The following GALNT6 variants were observed in gnomAD, a reference collection of about 807,000 sequenced individuals.
The protein encoded by GALNT6 is polypeptide N-acetylgalactosaminyltransferase 6.
A neutral mutation model predicts 65.9 loss-of-function variants in GALNT6; 51 were observed. The observed-to-expected ratio is 0.77, with a 90% CI of 0.62 to 0.98. The LOEUF (loss-of-function observed/expected upper bound fraction) is 0.98. Among genes scored for constraint, GALNT6 ranks in the 50% least tolerant of loss-of-function variants. GALNT6 has a pLI of 0.00. For synonymous variants in GALNT6, 323 were observed against 315.1 expected (o/e 1.02, Z -0.26); for missense variants, 708 against 803.3 (o/e 0.88, Z 1.43).
rs898937824 is a variant in GALNT6, at chr12:51,365,471, C to G, written c.773G>C (p.Ser258Thr). ...CGTGAGCACCTCCGCCTGTGCCACGCTGGCCCCCAGCAGCCGGGCGGTGAT... is the reference window on the plus strand; with the variant it reads ...CGTGAGCACCTCCGCCTGTGCCACGGTGGCCCCCAGCAGCCGGGCGGTGAT... ...GLITARLLGA[S>T]VAQAEVLTFL... Residue 258 changes from serine to threonine, a missense_variant, in exon 5 of 12, where the codon AGC (serine) becomes ACC (threonine). By Grantham distance (58) the Ser-to-Thr change is moderately conservative. Transcript: ENST00000356317. The G allele has an allele frequency of 4.3e-6, 7 of 1,612,008 alleles. No homozygotes were observed. In the African/African-American group the frequency reaches 5.3e-5, roughly 12 times the overall value.
chr12:51,377,493 T>G, intron 3 of GALNT6, 126 bp from the exon 4 acceptor site: 1 of 748,430 alleles, frequency 1.3e-6, no homozygotes, highest in Non-Finnish European at 2.3e-6. Context: ...ACATTCTCTA[T>G]AGCAGGTGGG....
At chr12:51,354,519 G>A in intron 11 of GALNT6, 27 bp from the exon 12 acceptor site, 1 of 1,459,198 alleles carries the variant, frequency 6.9e-7, no homozygotes, top group Non-Finnish European at 9.5e-7. Context: ...CAAAAGGTCA[G>A]TCTGGGCCAC....
At chr12:51,376,805 T>C (rs1947471317) in intron 4 of GALNT6, among the ~76,000 whole-genome samples, 1 of 152,112 alleles carries the variant, frequency 6.6e-6, no homozygotes, top group Non-Finnish European at 1.5e-5. Context: ...CAACCCCACT[T>C]ACCTATCAAC....
chr12:51,380,655 G>T (rs531311160), intron 2 of GALNT6, among the ~76,000 whole-genome samples: 2 of 152,334 alleles, frequency 1.3e-5, no homozygotes, highest in Admixed American at 1.3e-4. Flanking sequence ...GCTGGGCGTG[G>T]TAGCGCATGC....
intron 3 of GALNT6, among the ~76,000 whole-genome samples, chr12:51,377,701 T>C (rs1947510125): frequency 6.6e-6 from 1 of 152,104 alleles, no homozygotes; most frequent in South Asian, 2.1e-4. Context: ...CTGGCTCTCT[T>C]CCTCCGTAAT....
chr12:51,351,883 T>C lies in GALNT6; in HGVS notation c.*2496A>G, dbSNP rs1034689821. The C allele has an allele frequency of 2.6e-5, 4 of 152,130 alleles. No homozygotes were observed. The highest frequency in any genetic ancestry group is 4.4e-5 in the Non-Finnish European group (3 of 68,030). The allele number at this position is 152,130 out of a possible 1,614,324, so 9.4% of individuals were successfully genotyped here. A position where few individuals can be genotyped will look rare whatever the true frequency, so the allele number is the denominator to read the frequency against. ...ACACAACGCGAGTTTCCTTGACCAA[T>C]GCCAGAAAACCTTTATTTCCACTGA... is the stretch of plus-strand genomic sequence containing the variant. On this transcript the variant is annotated 3_prime_UTR_variant, in exon 12 of 12. Coordinates refer to ENST00000356317, the MANE Select transcript of GALNT6 (RefSeq NM_007210.4).
rs140370586 is a variant in GALNT6, at chr12:51,384,556, G to A, written c.-103-4672C>T. Among the ~76,000 whole-genome samples, 179 of 152,170 alleles carry A rather than the reference G, an allele frequency of 1.2e-3. 1 individual carries two copies. The highest frequency in any genetic ancestry group is 4.1e-3 in the African/African-American group (170 of 41,500). ...AAAATACAAAAATTAGCCAGGCATG[G>A]TGGCATGTGCCTGTAATCCCAACTA... On this transcript the variant is annotated intron_variant, in intron 2 of 11. Transcript: ENST00000356317.
At chr12:51,362,437 G>C (rs1218096530) in intron 6 of GALNT6, among the ~76,000 whole-genome samples, 2 of 152,186 alleles carry the variant, frequency 1.3e-5, no homozygotes, top group Non-Finnish European at 2.9e-5. Flanking sequence ...TCCTGGGGTG[G>C]GGGCGCTACA....
At chr12:51,356,014 C>T (rs1209192640) in intron 10 of GALNT6, 56 bp from the exon 11 acceptor site, 7 of 1,561,134 alleles carry the variant, frequency 4.5e-6, no homozygotes, top group African/African-American at 2.7e-5. Flanking sequence ...CTTCCAAAGC[C>T]ACCTGCCCTG....
intron 2 of GALNT6, among the ~76,000 whole-genome samples, chr12:51,384,082 C>T (rs939482065): frequency 5.3e-5 from 8 of 152,154 alleles, no homozygotes; most frequent in Non-Finnish European, 8.8e-5. Flanking sequence ...CACTCATTTC[C>T]CTCTCGCTGT....
At chr12:51,390,161 T>TTC (rs1592370388) in intron 2 of GALNT6, among the ~76,000 whole-genome samples, 19 of 113,874 alleles carry the variant, frequency 1.7e-4, no homozygotes, top group Admixed American at 5.0e-4. Flanking sequence ...TCTTTCTTTT[T>TTC]TTTTTTTTTT....
chr12:51,378,822 C>T (rs1947548569), intron 3 of GALNT6, among the ~76,000 whole-genome samples: 1 of 151,904 alleles, frequency 6.6e-6, no homozygotes, highest in Non-Finnish European at 1.5e-5. Context: ...TGGGCCTTCA[C>T]TGGAGGAAAC....
rs773790866 is a variant in GALNT6, at chr12:51,364,196, C to G, written c.974G>C (p.Trp325Ser). Reference protein sequence around the residue: ...GRVHSRGNFDWSLTFGWETLP... With the variant: ...GRVHSRGNFDSSLTFGWETLP... ...TGTTTCCCAGCCGAAGGTCAGGCTC[C>G]AGTCAAAGTTGCCTCGGCTATGGAC... is the stretch of plus-strand genomic sequence containing the variant. Residue 325 changes from tryptophan to serine, a missense_variant, in exon 6 of 12, where the codon TGG becomes TCG. Trp to Ser is a radical substitution (Grantham distance 177). Transcript: ENST00000356317. 1.2e-5 allele frequency: 20 copies of G among 1,614,074 alleles called. No individual in the cohort carries two copies. Among genetic ancestry groups the G allele is most frequent in the Non-Finnish European group, 1.4e-5 (17 of 1,180,026 alleles).
At chr12:51,377,402 G>T in intron 3 of GALNT6, 35 bp from the exon 4 acceptor site, 1 of 1,597,250 alleles carries the variant, frequency 6.3e-7, no homozygotes, top group Non-Finnish European at 8.6e-7. Flanking sequence ...AGTTCTCCTG[G>T]TCCCTGGGAG....
intron 4 of GALNT6, among the ~76,000 whole-genome samples, chr12:51,375,871 G>A (rs1351166327): frequency 6.7e-6 from 1 of 150,272 alleles, no homozygotes; most frequent in African/African-American, 2.4e-5. Context: ...TTTTTGTTTT[G>A]TTTTTTTGAG....
At position 51,379,816 on chromosome 12, in the gene GALNT6, C is replaced by A; in HGVS notation, c.-35G>T. Reference sequence around the variant, plus strand: ...CCAAGGGGCACCCCAGCTGCGTCAGCTCTGAGTCCTGAGCCCAACCCTGGA... The same window carrying A: ...CCAAGGGGCACCCCAGCTGCGTCAGATCTGAGTCCTGAGCCCAACCCTGGA... On this transcript the variant is annotated 5_prime_UTR_variant, in exon 3 of 12. Transcript: ENST00000356317. The A allele has an allele frequency of 6.4e-7, 1 of 1,568,414 alleles. No homozygotes were observed. Among genetic ancestry groups the A allele is most frequent in the Non-Finnish European group, 8.6e-7 (1 of 1,162,172 alleles).
chr12:51,375,165 T>G (rs910853485), intron 4 of GALNT6, among the ~76,000 whole-genome samples: 1 of 152,012 alleles, frequency 6.6e-6, no homozygotes, highest in African/African-American at 2.4e-5. Context: ...GGTGAGCCAC[T>G]GTCCCTGGCC....
At chr12:51,389,993 C>T (rs1197800157) in intron 2 of GALNT6, among the ~76,000 whole-genome samples, 3 of 152,134 alleles carry the variant, frequency 2.0e-5, no homozygotes, top group Admixed American at 6.5e-5. Flanking sequence ...GGGTCTTGTC[C>T]TGTTCTCTGC....
chr12:51,383,585 G>C (rs1947737610), intron 2 of GALNT6: 1 of 152,104 alleles, frequency 6.6e-6, no homozygotes, highest in Non-Finnish European at 1.5e-5. Context: ...TATTTTCCCT[G>C]GAGAAAGAAA....
Sources: allele counts gnomAD v4.1 joint callset (sites outside exome capture counted in the v4.1 genomes callset), GRCh38; gene constraint gnomAD v4.1.1; transcripts MANE v1.5; gene names NCBI Gene and HGNC (gene_info 2026-07-23, HGNC 2026-07-21).